Variants in GRAMD4 observed in about 807,000 individuals in gnomAD.
GRAMD4 encodes GRAM domain containing 4, also known as GRAM domain-containing protein 4.
In GRAMD4, 25 loss-of-function variants were observed where a neutral mutation model predicts 83.9. The ratio of observed to expected loss-of-function variants is 0.30; its 90% CI spans 0.22 to 0.42. The LOEUF (loss-of-function observed/expected upper bound fraction) is 0.42, where lower values mean the gene tolerates loss of function less well. Ranked by LOEUF, GRAMD4 falls within the 10% of genes least tolerant of loss-of-function variation. GRAMD4 has a pLI of 1.00. For missense variants in GRAMD4, 593 were observed against 788.7 expected, an observed-to-expected ratio of 0.75 and a Z score of 2.97; for synonymous variants, 336 against 320.9, an observed-to-expected ratio of 1.05 and a Z score of -0.50.
intron 1 of GRAMD4, among the ~76,000 whole-genome samples, chr22:46,610,700 C>T (rs963892766): frequency 1.3e-5 from 2 of 152,226 alleles, no homozygotes; most frequent in African/African-American, 4.8e-5. Flanking sequence ...TCTGGGGAAT[C>T]CAGAAGGGGC....
At chr22:46,668,050 A>T in intron 10 of GRAMD4, 46 bp from the exon 11 acceptor site, 2 of 1,378,852 alleles carry the variant, frequency 1.5e-6, no homozygotes, top group Middle Eastern at 3.6e-4. Flanking sequence ...GGTTTTTCTG[A>T]ACTGTTAAAT....
chr22:46,634,717 G>A (rs2081832508), intron 2 of GRAMD4, among the ~76,000 whole-genome samples: 1 of 152,198 alleles, frequency 6.6e-6, no homozygotes, highest in African/African-American at 2.4e-5. Context: ...AAGGCGGGTG[G>A]ATCACCTGAG....
At chr22:46,578,113 A>C (rs1021111998) in intron 1 of GRAMD4, among the ~76,000 whole-genome samples, 1 of 152,054 alleles carries the variant, frequency 6.6e-6, no homozygotes, top group Non-Finnish European at 1.5e-5. Flanking sequence ...TTTTTCGGCT[A>C]TTGTCAACCC....
At chr22:46,647,509 G>A (rs920310774) in intron 3 of GRAMD4, among the ~76,000 whole-genome samples, 16 of 152,178 alleles carry the variant, frequency 1.1e-4, no homozygotes, top group African/African-American at 3.9e-4. Flanking sequence ...CCAGTGGGGG[G>A]CCTCCTCCCT....
chr22:46,633,942 G>A (rs2081818217), intron 2 of GRAMD4, among the ~76,000 whole-genome samples: 1 of 152,204 alleles, frequency 6.6e-6, no homozygotes, highest in African/African-American at 2.4e-5. Flanking sequence ...TCCCAGGCCA[G>A]GCCTCCATCA....
intron 9 of GRAMD4, 27 bp downstream of exon 9, chr22:46,665,733 CT>C: frequency 8.5e-7 from 1 of 1,172,716 alleles, no homozygotes. Context: ...GTTGCAGCTG[CT>C]TTATCCCACC....
At chr22:46,592,988 A>G (rs911583134) in intron 1 of GRAMD4, among the ~76,000 whole-genome samples, 2 of 152,194 alleles carry the variant, frequency 1.3e-5, no homozygotes, top group African/African-American at 4.8e-5. Context: ...TTGTTCACCA[A>G]CATAACCTAA....
In GRAMD4 at chr22:46,668,219, A is replaced by G. The variant is rs1555975511; in HGVS notation, c.930+52A>G. On this transcript the variant is annotated intron_variant, in intron 11 of 18. Coordinates refer to ENST00000406902, the MANE Select transcript of GRAMD4 (RefSeq NM_015124.5). ...TGTGTCTGCGCCAGCCATGGGCACCAGCCAGGGGTGTGTCTACGCCGGCCA... is the reference window on the plus strand; with the variant it reads ...TGTGTCTGCGCCAGCCATGGGCACCGGCCAGGGGTGTGTCTACGCCGGCCA... 9 of 1,315,786 alleles carry G rather than the reference A, an allele frequency of 6.8e-6. No homozygotes were observed. In the South Asian group the frequency reaches 9.5e-5, roughly 14 times the overall value. The allele number at this position is 1,315,786 out of a possible 1,614,324, so 81.5% of individuals were successfully genotyped here.
intron 9 of GRAMD4, 119 bp from the exon 10 acceptor site, chr22:46,666,706 T>G: frequency 1.2e-6 from 1 of 816,834 alleles, no homozygotes. Flanking sequence ...TTGGGCAGCA[T>G]AGAAGGACCT....
At position 46,603,544 on chromosome 22, in the gene GRAMD4, TCTCA is replaced by T. The variant is rs1285696348; in HGVS notation, c.-49-23203_-49-23200del. ...TTTTTTTTTTTTTTTTGAGATGGAGTCTCACTCTGTCACCCAGGCTGGAGTGCAG... is the reference window on the plus strand; with the variant it reads ...TTTTTTTTTTTTTTTTGAGATGGAGTCTCTGTCACCCAGGCTGGAGTGCAG... On this transcript the variant is annotated intron_variant, in intron 1 of 1. Coordinates refer to the GRAMD4 transcript ENST00000431155. Among the ~76,000 whole-genome samples the T allele has an allele frequency of 7.0e-5, 6 of 86,016 alleles. No homozygotes were observed. The East Asian group carries it at 1.8e-3, about 25-fold the overall frequency. The allele number at this position is 86,016 out of a possible 152,430, so 56.4% of individuals were successfully genotyped here. A position where few individuals can be genotyped will look rare whatever the true frequency, so the allele number is the denominator to read the frequency against.
chr22:46,635,954 C>T (rs985509231), intron 2 of GRAMD4, among the ~76,000 whole-genome samples: 3 of 152,306 alleles, frequency 2.0e-5, no homozygotes, highest in East Asian at 3.9e-4. Context: ...TGTGCCTCCT[C>T]CTGGCTGCGT....
chr22:46,646,979 C>T (rs1479138927), intron 3 of GRAMD4, among the ~76,000 whole-genome samples: 7 of 152,152 alleles, frequency 4.6e-5, no homozygotes, highest in African/African-American at 1.4e-4. Context: ...GACTCCTTCA[C>T]GATCACAACA....
chr22:46,680,543 T>TGTCTGTCCGTCCGTCC (rs2082655494), downstream of GRAMD4, among the ~76,000 whole-genome samples: 12 of 70,572 alleles, frequency 1.7e-4, no homozygotes, highest in Admixed American at 5.0e-4. Context: ...CATCCACATC[T>TGTCTGTCCGTCCGTCC]GTCCGTCCGT....
chr22:46,634,460 G>C (rs774964150), intron 2 of GRAMD4, among the ~76,000 whole-genome samples: 3 of 152,228 alleles, frequency 2.0e-5, no homozygotes, highest in African/African-American at 7.2e-5. Context: ...GGCAGAGGGC[G>C]TGCCCAGCTG....
rs553778889 is a variant in GRAMD4 at position 46,674,640 on chromosome 22, G to A, written c.1385-17G>A. On this transcript the variant is annotated splice_polypyrimidine_tract_variant and intron_variant, in intron 15 of 18. Coordinates refer to ENST00000406902, the MANE Select transcript of GRAMD4 (RefSeq NM_015124.5). ...ACTTCCAGTGGAAAGTGTGACAGGC[G>A]GGCCTTCTCCCATTAGTGTGCGAGA... The A allele has an allele frequency of 2.5e-5, 39 of 1,559,610 alleles. 1 individual carries two copies. Among genetic ancestry groups the A allele is most frequent in the East Asian group, 2.0e-4 (9 of 44,614 alleles).
intron 3 of GRAMD4, among the ~76,000 whole-genome samples, chr22:46,650,928 C>T (rs995488132): frequency 1.3e-5 from 2 of 152,218 alleles, no homozygotes; most frequent in Non-Finnish European, 2.9e-5. Context: ...TCCCTCTGGG[C>T]ACGCAGAGTG....
chr22:46,607,100 C>T (rs551164116), intron 1 of GRAMD4, among the ~76,000 whole-genome samples: 7 of 152,270 alleles, frequency 4.6e-5, no homozygotes, highest in African/African-American at 1.7e-4. Flanking sequence ...GTCTCCCTGC[C>T]GGGCCCATGG....
Position 46,611,996 on chromosome 22 carries a change from C to CAAAAAA in GRAMD4, c.-49-14738_-49-14733dup, listed in dbSNP as rs61392000. ...TGGGAGACACAGCGAGACTCCATCT[C>CAAAAAA]AAAAAAAAAAAAAAAAAAAAAAGAA... On this transcript the variant is annotated intron_variant, in intron 1 of 1. Transcript: ENST00000431155. 8.9e-3 allele frequency among the ~76,000 whole-genome samples: 443 copies of CAAAAAA among 49,666 alleles called. 23 individuals are homozygous for CAAAAAA. The highest frequency in any genetic ancestry group is 0.024 in the African/African-American group (279 of 11,494). 32.6% of individuals were successfully genotyped at this position (49,666 alleles called of 152,430 possible). A position where few individuals can be genotyped will look rare whatever the true frequency, so the allele number is the denominator to read the frequency against.
intron 1 of GRAMD4, among the ~76,000 whole-genome samples, chr22:46,584,719 C>G (rs1309656372): frequency 6.6e-6 from 1 of 152,166 alleles, no homozygotes; most frequent in African/African-American, 2.4e-5. Flanking sequence ...CATGATTCCA[C>G]GACTTAGAGG....
Sources: allele counts gnomAD v4.1 joint callset (sites outside exome capture counted in the v4.1 genomes callset), GRCh38; gene constraint gnomAD v4.1.1; transcripts MANE v1.5; gene names NCBI Gene and HGNC (gene_info 2026-07-23, HGNC 2026-07-21).